Variants in SHROOM3 observed in about 807,000 individuals in gnomAD.
The protein encoded by SHROOM3 is shroom family member 3.
In SHROOM3, 47 loss-of-function variants were observed where a neutral mutation model predicts 138.6. The ratio of observed to expected loss-of-function variants is 0.34; its 90% CI spans 0.27 to 0.43. The LOEUF (loss-of-function observed/expected upper bound fraction) is 0.43. SHROOM3 is among the 20% of genes least tolerant of loss of function. The pLI is 1.00. For missense variants in SHROOM3, 2,491 were observed against 2,596.5 expected, an observed-to-expected ratio of 0.96 and a Z score of 0.88; for synonymous variants, 1,062 against 1,063.3, an observed-to-expected ratio of 1.00 and a Z score of 0.02.
rs1273320907 is a variant in SHROOM3 at position 76,710,214 on chromosome 4, G to A, written c.382G>A (p.Glu128Lys). The stretch of plus-strand genomic sequence containing the variant: ...TGGTGCCTCTAACTTCGTCAGCCCA[G>A]AACACCTCACCTCTGGCCCCCAGCA... ...DTGASNFVSP[E>K]HLTSGPQHRK... is the part of the protein sequence containing the mutation. Residue 128 changes from glutamate (E) to lysine (K), a missense_variant, in exon 3 of 11, where the codon GAA becomes AAA. By Grantham distance (56) the Glu-to-Lys change is moderately conservative. Around this residue, in one of 4 missense-constraint regions of SHROOM3, gnomAD observed 284 missense variants for 322.8 expected, o/e 0.88. Coordinates refer to ENST00000296043, the MANE Select transcript of SHROOM3 (RefSeq NM_020859.4). The A allele has an allele frequency of 1.2e-6, 2 of 1,614,018 alleles. No homozygotes were observed. Among genetic ancestry groups the A allele is most frequent in the African/African-American group, 1.3e-5 (1 of 74,908 alleles).
intron 1 of SHROOM3, among the ~76,000 whole-genome samples, chr4:76,546,548 T>C (rs1733223682): frequency 6.6e-6 from 1 of 152,266 alleles, no homozygotes; most frequent in Non-Finnish European, 1.5e-5. Context: ...CCTCACTTTA[T>C]GTTCTTTTCA....
intron 1 of SHROOM3, among the ~76,000 whole-genome samples, chr4:76,527,822 G>A (rs997059831): frequency 2.0e-5 from 3 of 152,310 alleles, no homozygotes; most frequent in Non-Finnish European, 2.9e-5. Context: ...AATACTGGAT[G>A]GATCGCCCAT....
chr4:76,603,194 G>A (rs189612311), intron 2 of SHROOM3, among the ~76,000 whole-genome samples: 7 of 152,232 alleles, frequency 4.6e-5, no homozygotes, highest in South Asian at 4.1e-4. Flanking sequence ...CGAGGAGAAC[G>A]GATCATGAAG....
At chr4:76,442,703 C>A (rs1460557207) in intron 1 of SHROOM3, among the ~76,000 whole-genome samples, 1 of 152,074 alleles carries the variant, frequency 6.6e-6, no homozygotes, top group Non-Finnish European at 1.5e-5. Context: ...GTCACCGTGC[C>A]CGGCCCCACC....
At chr4:76,441,826 G>A (rs903163058) in intron 1 of SHROOM3, among the ~76,000 whole-genome samples, 2 of 152,032 alleles carry the variant, frequency 1.3e-5, no homozygotes, top group Admixed American at 6.5e-5. Flanking sequence ...GGGTTCAAGC[G>A]ATTCTCCTGC....
intron 2 of SHROOM3, among the ~76,000 whole-genome samples, chr4:76,567,022 T>G (rs570184043): frequency 6.6e-6 from 1 of 152,366 alleles, no homozygotes; most frequent in East Asian, 1.9e-4. Context: ...GCTGCCAGAT[T>G]GCTTAGTACA....
intron 1 of SHROOM3, among the ~76,000 whole-genome samples, chr4:76,444,914 T>C (rs1053374819): frequency 6.7e-6 from 1 of 149,542 alleles, no homozygotes; most frequent in African/African-American, 2.5e-5. Flanking sequence ...TTGGGCAACA[T>C]GGCAAAACCC....
chr4:76,778,350 T>C (rs1384882591), intron 10 of SHROOM3, among the ~76,000 whole-genome samples: 1 of 151,974 alleles, frequency 6.6e-6, no homozygotes, highest in Non-Finnish European at 1.5e-5. Context: ...GCCTCCCAAG[T>C]AGCTGGTATT....
intron 6 of SHROOM3, among the ~76,000 whole-genome samples, chr4:76,753,747 G>A (rs984650853): frequency 1.3e-5 from 2 of 152,178 alleles, no homozygotes; most frequent in African/African-American, 2.4e-5. Context: ...AGCTCCTTAG[G>A]TGAGACTCTC....
At chr4:76,639,856 G>GT (rs1209672925) in intron 2 of SHROOM3, among the ~76,000 whole-genome samples, 2 of 152,208 alleles carry the variant, frequency 1.3e-5, no homozygotes, top group East Asian at 3.9e-4. Flanking sequence ...GTTAGACGAC[G>GT]TTTTCCCTAA....
At chr4:76,589,737 T>A (rs1734226738) in intron 2 of SHROOM3, among the ~76,000 whole-genome samples, 1 of 152,200 alleles carries the variant, frequency 6.6e-6, no homozygotes, top group Non-Finnish European at 1.5e-5. Flanking sequence ...GTCCCAGCAA[T>A]CAGCCTCTGA....
intron 1 of SHROOM3, among the ~76,000 whole-genome samples, chr4:76,469,361 T>A (rs1224305409): frequency 1.3e-5 from 2 of 152,128 alleles, no homozygotes; most frequent in Non-Finnish European, 2.9e-5. Context: ...GACTGCAGGT[T>A]AAGGGATGTG....
At chr4:76,527,835 C>A (rs1382832248) in intron 1 of SHROOM3, among the ~76,000 whole-genome samples, 9 of 152,322 alleles carry the variant, frequency 5.9e-5, no homozygotes, top group African/African-American at 2.2e-4. Context: ...TCGCCCATGA[C>A]CAGCCCTGCT....
At chr4:76,625,800 C>T (rs1007498658) in intron 2 of SHROOM3, among the ~76,000 whole-genome samples, 1 of 152,214 alleles carries the variant, frequency 6.6e-6, no homozygotes, top group Non-Finnish European at 1.5e-5. Context: ...ACCCCTATAA[C>T]TAACCATATT....
chr4:76,588,762 T>C (rs1010790183), intron 2 of SHROOM3, among the ~76,000 whole-genome samples: 4 of 152,036 alleles, frequency 2.6e-5, no homozygotes, highest in Middle Eastern at 3.4e-3. Flanking sequence ...CCTAGACACA[T>C]GGAAAAAGAA....
intron 2 of SHROOM3, among the ~76,000 whole-genome samples, chr4:76,625,069 G>A (rs961592533): frequency 3.3e-5 from 5 of 152,164 alleles, no homozygotes; most frequent in African/African-American, 9.7e-5. Context: ...TTTAATGCCA[G>A]ACTCCTAGTT....
intron 2 of SHROOM3, among the ~76,000 whole-genome samples, chr4:76,653,050 G>A (rs1266433599): frequency 6.6e-6 from 1 of 151,964 alleles, no homozygotes; most frequent in African/African-American, 2.4e-5. Flanking sequence ...TAACTTCAAA[G>A]CTAGAACTGA....
intron 1 of SHROOM3, among the ~76,000 whole-genome samples, chr4:76,478,502 C>T (rs575106580): frequency 6.6e-6 from 1 of 152,334 alleles, no homozygotes; most frequent in South Asian, 2.1e-4. Flanking sequence ...ATAAAACTCC[C>T]ATCTCCCTGG....
chr4:76,507,955 G>A (rs1279165226), intron 1 of SHROOM3, among the ~76,000 whole-genome samples: 1 of 152,080 alleles, frequency 6.6e-6, no homozygotes, highest in Admixed American at 6.6e-5. Flanking sequence ...GACTTGTATT[G>A]TAGATGCAAG....
Sources: gnomAD v4.1 joint callset for allele counts (sites outside exome capture counted in the v4.1 genomes callset) on GRCh38, gnomAD v4.1.1 for gene constraint, gnomAD v4.1.1 regional missense constraint, MANE v1.5 for transcripts, NCBI Gene and HGNC (gene_info 2026-07-23, HGNC 2026-07-21) for gene names.